Variants in TAOK2 observed in about 807,000 individuals in gnomAD.
TAOK2 encodes the protein TAO kinase 2.
In TAOK2, 42 loss-of-function variants were observed where a neutral mutation model predicts 122.5. The ratio of observed to expected loss-of-function variants is 0.34; its 90% CI spans 0.27 to 0.44. The LOEUF is 0.44. Ranked by LOEUF, TAOK2 falls within the 20% of genes least tolerant of loss-of-function variation. TAOK2 has a pLI of 1.00. For missense variants in TAOK2, 1,264 were observed against 1,644.9 expected, an observed-to-expected ratio of 0.77 and a Z score of 4.01; for synonymous variants, 704 against 677.6, an observed-to-expected ratio of 1.04 and a Z score of -0.61.
downstream of TAOK2, chr16:29,991,803 G>A (rs940758061): frequency 6.8e-6 from 3 of 444,202 alleles, no homozygotes; most frequent in South Asian, 7.2e-5. The surrounding 1 kb of genome is among the most constrained non-coding windows in gnomAD (Gnocchi z 5.6). Flanking sequence ...TGGTGCCAGG[G>A]GTCTCCCTCC....
intron 13 of TAOK2, 35 bp downstream of exon 13, chr16:29,983,699 G>C (rs778220918): frequency 1.3e-6 from 2 of 1,581,322 alleles, no homozygotes; most frequent in African/African-American, 2.7e-5. Flanking sequence ...CCTGCTCGCT[G>C]TCTGTTTTTT....
At position 29,986,703 on chromosome 16, in the gene TAOK2, C is replaced by G. The variant is rs142024220; in HGVS notation, c.2431C>G (p.Pro811Ala). ...GGGAAAGGAAGGGGCCACTTTGGAG[C>G]CCAAGCAGCAGAGGATTCTGGGGGA... ...ILGKEGATLE[P>A]KQQRILGEES... The change falls in exon 16 of 16, where the codon CCC (proline) becomes GCC (alanine). Residue 811 changes from proline (P) to alanine (A), a missense_variant. Coordinates refer to ENST00000308893, the MANE Select transcript of TAOK2 (RefSeq NM_016151.4). The surrounding 1 kb of genome is among the most constrained non-coding windows in gnomAD (Gnocchi z 4.2). 47 of 1,613,910 alleles carry G rather than the reference C, an allele frequency of 2.9e-5. No homozygotes were observed. The highest frequency in any genetic ancestry group is 3.9e-5 in the Non-Finnish European group (46 of 1,179,938).
In TAOK2 at chr16:29,987,960, G is replaced by C. The variant is rs1480117741; in HGVS notation, c.3688G>C (p.Ala1230Pro). The change falls in exon 16 of 16, where the codon GCC (alanine) becomes CCC (proline). Residue 1230 changes from alanine (A) to proline (P), a missense_variant. Physicochemically the swap from Ala to Pro is conservative, Grantham distance 27. Transcript: ENST00000308893. ...GAGGTCACGCACCCGCCAGTCCCGG[G>C]CCCTGCCCCCCTGGAGGTAGCTGAC... ...GRRSRTRQSRALPPWR is the reference protein window; with the variant it reads ...GRRSRTRQSRPLPPWR 3.9e-6 allele frequency: 6 copies of C among 1,540,770 alleles called. No individual in the cohort carries two copies. The highest frequency in any genetic ancestry group is 5.2e-6 in the Non-Finnish European group (6 of 1,148,838).
intron 2 of TAOK2, 43 bp downstream of exon 2, chr16:29,977,947 TCCTATC>T (rs2069505382): frequency 1.9e-6 from 3 of 1,613,428 alleles, no homozygotes; most frequent in Non-Finnish European, 2.5e-6. Context: ...TGGGGACTCT[TCCTATC>T]CCTGTGGACT....
chr16:29,991,805 TCTCC>T, downstream of TAOK2: 1 of 432,404 alleles, frequency 2.3e-6, no homozygotes. This position sits in a 1 kb window ranked among gnomAD's most constrained non-coding sequence, Gnocchi z 5.6. Context: ...GTGCCAGGGG[TCTCC>T]CTCCGCCACC....
At chr16:29,976,638 G>A (rs568595067) in intron 1 of TAOK2, among the ~76,000 whole-genome samples, 3 of 152,310 alleles carry the variant, frequency 2.0e-5, no homozygotes, top group African/African-American at 7.2e-5. Context: ...CTTTCTCCGG[G>A]TGTTTGGTTG....
chr16:29,983,646 C>G lies in TAOK2; in HGVS notation c.1404C>G (p.Thr468=), dbSNP rs1054495650. The part of the protein sequence containing the change: ...AYCRNRDHFA[T]IRTASLVSRQ... ...GCCGTAACCGAGACCACTTTGCCAC[C>G]ATCCGAACCGCCTCCCTGGTGAGTG... Residue 468 remains threonine (T), a synonymous_variant, in exon 13 of 16, where the codon ACC becomes ACG. Transcript: ENST00000308893. 4 of 1,612,098 alleles carry G rather than the reference C, an allele frequency of 2.5e-6. No individual in the cohort carries two copies. The highest frequency in any genetic ancestry group is 3.4e-6 in the Non-Finnish European group (4 of 1,179,632).
intron 2 of TAOK2, 83 bp from the exon 3 acceptor site, chr16:29,978,006 C>T (rs373634769): frequency 6.2e-7 from 1 of 1,611,856 alleles, no homozygotes; most frequent in East Asian, 2.2e-5. Flanking sequence ...CTGGTCTTTC[C>T]TGCCTTCTCT....
At chr16:29,989,519 C>T, downstream of TAOK2, 4 of 1,600,120 alleles carry the variant, frequency 2.5e-6, no homozygotes, top group Admixed American at 1.7e-5. Context: ...GGTTGTTCCT[C>T]CTCTTCCTCT....
Position 29,979,595 on chromosome 16 carries a change from A to G in TAOK2, c.655+87A>G. 2 of 1,121,420 alleles carry G rather than the reference A, an allele frequency of 1.8e-6. No individual in the cohort carries two copies. The highest frequency in any genetic ancestry group is 2.5e-6 in the Non-Finnish European group (2 of 810,524). 69.5% of individuals were successfully genotyped at this position (1,121,420 alleles called of 1,614,324 possible). On this transcript the variant is annotated intron_variant, in intron 8 of 15. Coordinates refer to ENST00000308893, the MANE Select transcript of TAOK2 (RefSeq NM_016151.4). This position sits in a 1 kb window ranked among gnomAD's most constrained non-coding sequence, Gnocchi z 4.1. The stretch of plus-strand genomic sequence containing the variant: ...TCCGGACTACCCCCTTCTCCTAGGG[A>G]TGGGATCCCAGGCCTCCAAGTTCCT...
At position 29,985,619 on chromosome 16, in the gene TAOK2, A is replaced by G; in HGVS notation, c.1789-39A>G. 6.2e-7 allele frequency: 1 copy of G among 1,604,794 alleles called. No homozygotes were observed. On this transcript the variant is annotated intron_variant, in intron 14 of 15. Transcript: ENST00000308893. This position sits in a 1 kb window ranked among gnomAD's most constrained non-coding sequence, Gnocchi z 6.9. ...TTGGGGGCGGAGCCGATGGCGAGCC[A>G]GGTGGGTCCTGACCCTGCTTCCCTC...
Position 29,988,005 on chromosome 16 carries a change from A to G in TAOK2, c.*25A>G. The stretch of plus-strand genomic sequence containing the variant: ...GCTGACTCCAGCCCTTCCAGCCCAA[A>G]TCTAGAGCATTGAGCACTTTATCTC... On this transcript the variant is annotated 3_prime_UTR_variant, in exon 16 of 16. Coordinates refer to ENST00000308893, the MANE Select transcript of TAOK2 (RefSeq NM_016151.4). The G allele has an allele frequency of 6.6e-7, 1 of 1,509,210 alleles. No homozygotes were observed. Among genetic ancestry groups the G allele is most frequent in the Non-Finnish European group, 8.8e-7 (1 of 1,137,436 alleles). 93.5% of individuals were successfully genotyped at this position (1,509,210 alleles called of 1,614,324 possible).
Position 29,988,324 on chromosome 16 carries a change from C to T in TAOK2, c.*344C>T, listed in dbSNP as rs1435195202. On this transcript the variant is annotated 3_prime_UTR_variant, in exon 16 of 16. Coordinates refer to ENST00000308893, the MANE Select transcript of TAOK2 (RefSeq NM_016151.4). The stretch of plus-strand genomic sequence containing the variant: ...TCTTTGATTTTGTTTTTCTGTCTCC[C>T]TTCCAACCTGTCCCCTTCCCCCCAC... 4.9e-6 allele frequency: 7 copies of T among 1,419,048 alleles called. No homozygotes were observed. The highest frequency in any genetic ancestry group is 6.5e-6 in the Non-Finnish European group (7 of 1,074,188). The allele number at this position is 1,419,048 out of a possible 1,614,324, so 87.9% of individuals were successfully genotyped here. A position where few individuals can be genotyped will look rare whatever the true frequency, so the allele number is the denominator to read the frequency against.
At chr16:29,989,858 T>A (rs538255446), downstream of TAOK2, 3 of 1,581,876 alleles carry the variant, frequency 1.9e-6, no homozygotes, top group South Asian at 3.4e-5. Flanking sequence ...CTCTGTACTT[T>A]GCTTTAGAGA....
chr16:29,985,737 G>T lies in TAOK2; in HGVS notation c.1868G>T (p.Cys623Phe), dbSNP rs1486107610. The T allele has an allele frequency of 6.2e-7, 1 of 1,610,212 alleles. No individual in the cohort carries two copies. The highest frequency in any genetic ancestry group is 2.2e-5 in the East Asian group (1 of 44,784). The change falls in exon 15 of 16, where the codon TGC (cysteine) becomes TTC (phenylalanine). Residue 623 changes from cysteine to phenylalanine, a missense_variant. Cys to Phe is a radical substitution (Grantham distance 205). Coordinates refer to ENST00000308893, the MANE Select transcript of TAOK2 (RefSeq NM_016151.4). This position sits in a 1 kb window ranked among gnomAD's most constrained non-coding sequence, Gnocchi z 6.9. ...LLRQKEQLQQCQAEEEAGLLR... is the reference protein window; with the variant it reads ...LLRQKEQLQQFQAEEEAGLLR... Reference sequence around the variant, plus strand: ...CGGCAGAAGGAGCAGCTCCAGCAGTGCCAGGCGGAGGAGGAAGCAGGGCTG... The same window carrying T: ...CGGCAGAAGGAGCAGCTCCAGCAGTTCCAGGCGGAGGAGGAAGCAGGGCTG...
Position 29,988,367 on chromosome 16 carries a change from A to T in TAOK2, c.*387A>T. 1 of 1,338,732 alleles carries T rather than the reference A, an allele frequency of 7.5e-7. No individual in the cohort carries two copies. Among genetic ancestry groups the T allele is most frequent in the African/African-American group, 1.5e-5 (1 of 67,848 alleles). The allele number at this position is 1,338,732 out of a possible 1,614,324, so 82.9% of individuals were successfully genotyped here. A position where few individuals can be genotyped will look rare whatever the true frequency, so the allele number is the denominator to read the frequency against. ...CCCCCCACCAAAAAAAGAAAAAGACAAACACAAATAAAATATCTGAGCGGA... is the reference window on the plus strand; with the variant it reads ...CCCCCCACCAAAAAAAGAAAAAGACTAACACAAATAAAATATCTGAGCGGA... On this transcript the variant is annotated 3_prime_UTR_variant, in exon 16 of 16. Transcript: ENST00000308893.
chr16:29,974,721 G>A (rs1056288474), intron 1 of TAOK2, 73 bp downstream of exon 1: 4 of 152,562 alleles, frequency 2.6e-5, no homozygotes, highest in Admixed American at 6.5e-5. Context: ...TTTCTGAGAA[G>A]CTGGACTTGG....
At chr16:29,988,449 CGGTATGCCCCCA>C, downstream of TAOK2, 1 of 1,256,742 alleles carries the variant, frequency 8.0e-7, no homozygotes, top group Non-Finnish European at 1.0e-6. Context: ...CTAGCCTCCC[CGGTATGCCCCCA>C]GGCTGACCCT....
At position 29,982,748 on chromosome 16, in the gene TAOK2, C is replaced by T; in HGVS notation, c.846C>T (p.Leu282=). The T allele has an allele frequency of 1.2e-6, 2 of 1,613,510 alleles. No individual in the cohort carries two copies. Among genetic ancestry groups the T allele is most frequent in the Non-Finnish European group, 1.7e-6 (2 of 1,179,664 alleles). ...SEVLLKHRFV[L]RERPPTVIMD... ...TCTTCCCCCAGCACCGCTTTGTGCT[C>T]CGGGAGCGGCCACCCACAGTCATCA... Residue 282 remains leucine (L), a synonymous_variant, in exon 11 of 16, where the codon CTC becomes CTT. Coordinates refer to ENST00000308893, the MANE Select transcript of TAOK2 (RefSeq NM_016151.4).
Sources: allele counts gnomAD v4.1 joint callset (sites outside exome capture counted in the v4.1 genomes callset), GRCh38; gene constraint gnomAD v4.1.1; non-coding constraint Gnocchi (gnomAD v3.1); transcripts MANE v1.5; gene names NCBI Gene and HGNC (gene_info 2026-07-23, HGNC 2026-07-21).